The following NKAIN2 variants were observed in gnomAD, a reference collection of about 807,000 sequenced individuals.
NKAIN2 encodes the protein sodium/potassium-transporting ATPase subunit beta-1-interacting protein 2.
NKAIN2 carries 14 observed loss-of-function variants against 32.6 expected under a neutral mutation model. That is an observed-to-expected ratio of 0.43 (90% CI 0.28 to 0.67). NKAIN2 has a LOEUF of 0.67. Among genes scored for constraint, NKAIN2 ranks in the 30% least tolerant of loss-of-function variants. The pLI, the probability that NKAIN2 is intolerant of heterozygous loss-of-function variation, is 0.17. For synonymous variants in NKAIN2, 80 were observed against 87.2 expected, an observed-to-expected ratio of 0.92 and a Z score of 0.46; for missense variants, 198 against 258.3, an observed-to-expected ratio of 0.77 and a Z score of 1.60.
chr6:124,718,784 T>TA (rs11410712), intron 4 of NKAIN2, among the ~76,000 whole-genome samples: 76,499 of 151,872 alleles, frequency 0.5, 20,043 homozygotes, highest in East Asian at 0.63. Flanking sequence ...TGCAGAATAC[T>TA]AAAAAATCTT....
rs938741161 is a variant in NKAIN2 at position 124,470,702 on chromosome 6, T to G, written c.273+115355T>G. ...GCTTTAAAAGATAATAAAGGTGTTC[T>G]GCAAGCCATATAGCAAATGATCTCA... On this transcript the variant is annotated intron_variant, in intron 3 of 6. Transcript: ENST00000368417. Among the ~76,000 whole-genome samples, 10 of 152,228 alleles carry G rather than the reference T, an allele frequency of 6.6e-5. No individual in the cohort carries two copies. In the East Asian group the frequency reaches 1.7e-3, roughly 27 times the overall value.
At chr6:123,924,260 G>A (rs1271052543) in intron 1 of NKAIN2, among the ~76,000 whole-genome samples, 4 of 152,188 alleles carry the variant, frequency 2.6e-5, no homozygotes, top group Non-Finnish European at 5.9e-5. Context: ...CAGTAATGCC[G>A]GTGAGTCTTT....
rs56691516 is a variant in NKAIN2 at position 124,476,397 on chromosome 6, C to CTGTG, written c.273+121093_273+121096dup. Reference sequence around the variant, plus strand: ...ACTGAATTCATATGTATGTATGTGACTGTGTGTGTGTGTGTGTGTGTGTGT... The same window carrying CTGTG: ...ACTGAATTCATATGTATGTATGTGACTGTGTGTGTGTGTGTGTGTGTGTGTGTGT... On this transcript the variant is annotated intron_variant, in intron 3 of 6. Coordinates refer to ENST00000368417, the MANE Select transcript of NKAIN2 (RefSeq NM_001040214.3). Among the ~76,000 whole-genome samples, 412 of 138,022 alleles carry CTGTG rather than the reference C, an allele frequency of 3.0e-3. 3 individuals are homozygous for CTGTG. The highest frequency in any genetic ancestry group is 0.015 in the Middle Eastern group (4 of 266). The allele number at this position is 138,022 out of a possible 152,430, so 90.5% of individuals were successfully genotyped here. A position where few individuals can be genotyped will look rare whatever the true frequency, so the allele number is the denominator to read the frequency against.
At position 124,244,093 on chromosome 6, in the gene NKAIN2, C is replaced by CT. The variant is rs201785453; in HGVS notation, c.55-38903dup. Reference sequence around the variant, plus strand: ...TTTTTTTTTAATAATTTAATTAGTTCTTTTTTTTTATTATACTTTAAGTTT... The same window carrying CT: ...TTTTTTTTTAATAATTTAATTAGTTCTTTTTTTTTTATTATACTTTAAGTTT... On this transcript the variant is annotated intron_variant, in intron 1 of 6. Coordinates refer to ENST00000368417, the MANE Select transcript of NKAIN2 (RefSeq NM_001040214.3). Among the ~76,000 whole-genome samples, 246 of 149,200 alleles carry CT rather than the reference C, an allele frequency of 1.6e-3. 2 individuals are homozygous for CT. The highest frequency in any genetic ancestry group is 4.8e-3 in the African/African-American group (196 of 40,632).
At chr6:124,741,186 A>T (rs577687646) in intron 4 of NKAIN2, among the ~76,000 whole-genome samples, 3 of 151,676 alleles carry the variant, frequency 2.0e-5, no homozygotes, top group South Asian at 4.2e-4. Flanking sequence ...TGTTGAACAT[A>T]TTAAGTTAGA....
intron 1 of NKAIN2, among the ~76,000 whole-genome samples, chr6:124,024,410 C>G (rs1030520127): frequency 2.0e-5 from 3 of 152,156 alleles, no homozygotes; most frequent in Admixed American, 6.5e-5. Context: ...GTCGGCCTCT[C>G]CCACTGCTAA....
At chr6:124,257,135 C>T (rs1228871597) in intron 1 of NKAIN2, among the ~76,000 whole-genome samples, 1 of 151,784 alleles carries the variant, frequency 6.6e-6, no homozygotes, top group Non-Finnish European at 1.5e-5. Context: ...AAAACCATTC[C>T]ATTGTCAAAA....
At chr6:124,416,395 G>T (rs1231695225) in intron 3 of NKAIN2, among the ~76,000 whole-genome samples, 2 of 152,154 alleles carry the variant, frequency 1.3e-5, no homozygotes. Context: ...TGTAATTGTA[G>T]CACTTTGGGA....
chr6:124,816,430 G>C (rs72979757), intron 5 of NKAIN2, among the ~76,000 whole-genome samples: 136 of 152,184 alleles, frequency 8.9e-4, no homozygotes, highest in Non-Finnish European at 1.8e-3. Flanking sequence ...ATGGACTTTG[G>C]ATGATGATGA....
At chr6:124,622,717 G>A (rs781478) in intron 3 of NKAIN2, among the ~76,000 whole-genome samples, 143,334 of 152,128 alleles carry the variant, frequency 0.94, 68,161 homozygotes, top group East Asian at 1. Flanking sequence ...GAGTGGGAAG[G>A]TGGTCTTCCC....
At chr6:123,933,824 T>C (rs371230007) in intron 1 of NKAIN2, among the ~76,000 whole-genome samples, 81 of 152,312 alleles carry the variant, frequency 5.3e-4, no homozygotes, top group African/African-American at 1.9e-3. Context: ...TTGAGCTCCC[T>C]GGAATTCAGT....
chr6:124,624,747 T>TAACA (rs1369668785), intron 3 of NKAIN2, among the ~76,000 whole-genome samples: 7 of 152,196 alleles, frequency 4.6e-5, no homozygotes, highest in African/African-American at 1.7e-4. Flanking sequence ...TTAAATACTC[T>TAACA]AACACAAGTC....
intron 1 of NKAIN2, among the ~76,000 whole-genome samples, chr6:123,880,109 G>A (rs1582703203): frequency 6.6e-6 from 1 of 152,228 alleles, no homozygotes; most frequent in South Asian, 2.1e-4. Context: ...AGAAGAGTCA[G>A]TCAGGGAGAG....
chr6:124,463,421 C>T (rs1445944696), intron 3 of NKAIN2, among the ~76,000 whole-genome samples: 1 of 152,008 alleles, frequency 6.6e-6, no homozygotes, highest in Non-Finnish European at 1.5e-5. Flanking sequence ...TCTTAACCTG[C>T]CAATAAAAGT....
chr6:123,954,928 A>AT (rs1777497671), intron 1 of NKAIN2, among the ~76,000 whole-genome samples: 1 of 152,052 alleles, frequency 6.6e-6, no homozygotes, highest in Admixed American at 6.6e-5. Context: ...GAAATCAGTG[A>AT]TTTAGGGGAA....
chr6:124,097,481 G>A (rs948675693), intron 1 of NKAIN2, among the ~76,000 whole-genome samples: 1 of 151,232 alleles, frequency 6.6e-6, no homozygotes, highest in Non-Finnish European at 1.5e-5. Flanking sequence ...GCACAAAAAA[G>A]ATATTTCCAA....
At chr6:124,692,534 G>A (rs965347559) in intron 4 of NKAIN2, among the ~76,000 whole-genome samples, 4 of 151,998 alleles carry the variant, frequency 2.6e-5, no homozygotes, top group Non-Finnish European at 5.9e-5. Flanking sequence ...CGTAACATGA[G>A]GGCCGGGTGC....
At chr6:123,807,349 A>G (rs1270313445) in intron 1 of NKAIN2, among the ~76,000 whole-genome samples, 1 of 152,072 alleles carries the variant, frequency 6.6e-6, no homozygotes, top group Non-Finnish European at 1.5e-5. Context: ...ATCTCTGGAA[A>G]CAGATTTATT....
intron 3 of NKAIN2, among the ~76,000 whole-genome samples, chr6:124,486,334 G>A (rs1476674588): frequency 6.6e-6 from 1 of 152,082 alleles, no homozygotes; most frequent in Non-Finnish European, 1.5e-5. Flanking sequence ...ATATAAATGA[G>A]AAGTACACAA....
Sources: allele counts gnomAD v4.1 joint callset (sites outside exome capture counted in the v4.1 genomes callset), GRCh38; gene constraint gnomAD v4.1.1; transcripts MANE v1.5; gene names NCBI Gene and HGNC (gene_info 2026-07-23, HGNC 2026-07-21).